Variants in SPAG16 observed in about 807,000 individuals in gnomAD.
SPAG16 encodes sperm-associated antigen 16 protein.
SPAG16 carries 86 observed loss-of-function variants against 80.4 expected under a neutral mutation model. That is an observed-to-expected ratio of 1.07 (90% CI 0.90 to 1.28). The LOEUF is 1.28. Among genes scored for constraint, SPAG16 ranks in the 50% most tolerant of loss-of-function variants. SPAG16 has a pLI of 0.00. For synonymous variants in SPAG16, 294 were observed against 265.9 expected (o/e 1.11, Z -1.03); for missense variants, 870 against 765.3 (o/e 1.14, Z -1.61).
chr2:213,471,548 C>T (rs982657578), intron 9 of SPAG16, among the ~76,000 whole-genome samples: 1 of 152,140 alleles, frequency 6.6e-6, no homozygotes, highest in East Asian at 1.9e-4. Flanking sequence ...GATGGCAGGG[C>T]CTGCTCCAAA....
intron 10 of SPAG16, among the ~76,000 whole-genome samples, chr2:213,764,274 A>G (rs1043732015): frequency 7.9e-5 from 12 of 152,154 alleles, no homozygotes; most frequent in Non-Finnish European, 1.3e-4. Context: ...GGTAGAACCC[A>G]AATGAATGCT....
chr2:213,359,036 T>G (rs1431494780), intron 7 of SPAG16, among the ~76,000 whole-genome samples: 1 of 152,210 alleles, frequency 6.6e-6, no homozygotes, highest in Admixed American at 6.5e-5. Flanking sequence ...CTGTTGGGGT[T>G]TGCTGGAGGT....
chr2:213,531,721 T>C (rs990952831), intron 10 of SPAG16, among the ~76,000 whole-genome samples: 19 of 152,190 alleles, frequency 1.2e-4, no homozygotes, highest in African/African-American at 4.6e-4. Context: ...CAGTCTGTCT[T>C]CATTTACCCC....
chr2:213,521,116 A>C (rs976281993), intron 10 of SPAG16, among the ~76,000 whole-genome samples: 1 of 152,092 alleles, frequency 6.6e-6, no homozygotes, highest in Non-Finnish European at 1.5e-5. Context: ...GGAGCTCATG[A>C]ACTTGTGTTG....
At chr2:213,478,859 C>G (rs1045368440) in intron 9 of SPAG16, among the ~76,000 whole-genome samples, 14 of 151,938 alleles carry the variant, frequency 9.2e-5, no homozygotes, top group African/African-American at 3.4e-4. Context: ...TTCAATTTAA[C>G]CAATAGTCTT....
chr2:213,651,240 G>A (rs2063006559), intron 10 of SPAG16, among the ~76,000 whole-genome samples: 2 of 152,128 alleles, frequency 1.3e-5, no homozygotes, highest in Admixed American at 1.3e-4. Context: ...TAAATTTGCT[G>A]ATTTTGGATT....
At position 214,301,216 on chromosome 2, in the gene SPAG16, AT is replaced by A. The variant is rs545077823; in HGVS notation, c.1721-108923del. On this transcript the variant is annotated intron_variant, in intron 15 of 15. Coordinates refer to ENST00000331683, the MANE Select transcript of SPAG16 (RefSeq NM_024532.5). Reference sequence around the variant, plus strand: ...AAATAGATTTAAAAGCAAAAATCATATGATAATATCAATAGATGTAGAAAAA... The same window carrying A: ...AAATAGATTTAAAAGCAAAAATCATAGATAATATCAATAGATGTAGAAAAA... Among the ~76,000 whole-genome samples the A allele has an allele frequency of 1.1e-3, 164 of 144,438 alleles. 1 individual carries two copies. Among genetic ancestry groups the A allele is most frequent in the African/African-American group, 4.3e-3 (158 of 36,338 alleles). 94.8% of individuals were successfully genotyped at this position (144,438 alleles called of 152,430 possible).
At chr2:213,363,554 G>T (rs2066113626) in intron 7 of SPAG16, among the ~76,000 whole-genome samples, 1 of 151,964 alleles carries the variant, frequency 6.6e-6, no homozygotes, top group South Asian at 2.1e-4. Flanking sequence ...CAGGAATACA[G>T]GTAAATCATG....
At chr2:213,954,534 C>T (rs1223373747) in intron 12 of SPAG16, among the ~76,000 whole-genome samples, 1 of 151,892 alleles carries the variant, frequency 6.6e-6, no homozygotes, top group Non-Finnish European at 1.5e-5. Context: ...TTCTGGGATA[C>T]ACGTATAGAA....
chr2:214,093,476 T>C lies in SPAG16; in HGVS notation c.1528-14720T>C, dbSNP rs531094604. Among the ~76,000 whole-genome samples the C allele has an allele frequency of 3.9e-4, 60 of 152,030 alleles. 1 individual carries two copies. The highest frequency in any genetic ancestry group is 1.2e-3 in the Admixed American group (18 of 15,226). ...TAAAATAACTGGATTATCTATATTA[T>C]TGGTTTTGTGGGTGCATATGTGTAT... On this transcript the variant is annotated intron_variant, in intron 13 of 15. Coordinates refer to ENST00000331683, the MANE Select transcript of SPAG16 (RefSeq NM_024532.5).
chr2:214,015,297 C>G (rs1343409000), intron 13 of SPAG16, among the ~76,000 whole-genome samples: 1 of 152,024 alleles, frequency 6.6e-6, no homozygotes, highest in Non-Finnish European at 1.5e-5. Flanking sequence ...GTATTGAGGT[C>G]TTTTGAAAGG....
intron 10 of SPAG16, among the ~76,000 whole-genome samples, chr2:213,660,192 T>C (rs1023768085): frequency 1.3e-5 from 2 of 151,714 alleles, no homozygotes; most frequent in African/African-American, 4.8e-5. Flanking sequence ...ATAAGAGTTA[T>C]TGAAGAATAC....
At chr2:214,269,604 T>C (rs1461707122) in intron 15 of SPAG16, among the ~76,000 whole-genome samples, 1 of 152,166 alleles carries the variant, frequency 6.6e-6, no homozygotes, top group Non-Finnish European at 1.5e-5. Flanking sequence ...ATCCACTCTA[T>C]GCCAAACTAC....
chr2:214,322,991 A>G (rs543918089), intron 15 of SPAG16, among the ~76,000 whole-genome samples: 3 of 152,272 alleles, frequency 2.0e-5, no homozygotes, highest in African/African-American at 2.4e-5. Flanking sequence ...ACTGAAAGCT[A>G]TGGAGTCTTT....
chr2:213,358,833 G>A (rs898911873), intron 7 of SPAG16, among the ~76,000 whole-genome samples: 1 of 152,170 alleles, frequency 6.6e-6, no homozygotes, highest in Non-Finnish European at 1.5e-5. Flanking sequence ...TGGAGGAGAA[G>A]AGGCACTCTG....
chr2:214,234,081 C>A (rs574093158), intron 15 of SPAG16, among the ~76,000 whole-genome samples: 2 of 151,568 alleles, frequency 1.3e-5, no homozygotes, highest in African/African-American at 2.4e-5. Flanking sequence ...GTTTCCCCCC[C>A]CATGTGTCCA....
intron 12 of SPAG16, among the ~76,000 whole-genome samples, chr2:213,994,000 C>A (rs1359315742): frequency 6.6e-5 from 10 of 152,064 alleles, no homozygotes; most frequent in Non-Finnish European, 1.3e-4. Context: ...ATGAGGGATA[C>A]AAATACCATT....
At chr2:213,980,819 G>A (rs2045707695) in intron 12 of SPAG16, among the ~76,000 whole-genome samples, 1 of 149,256 alleles carries the variant, frequency 6.7e-6, no homozygotes, top group African/African-American at 2.5e-5. Flanking sequence ...TGAGGCAGGA[G>A]AATTGCTTGA....
intron 7 of SPAG16, among the ~76,000 whole-genome samples, chr2:213,356,036 T>C (rs1469179319): frequency 6.6e-6 from 1 of 152,234 alleles, no homozygotes. Flanking sequence ...TATTTTGAGG[T>C]ATTTTCGATC....
Sources: allele counts gnomAD v4.1 joint callset (sites outside exome capture counted in the v4.1 genomes callset), GRCh38; gene constraint gnomAD v4.1.1; transcripts MANE v1.5; gene names NCBI Gene and HGNC (gene_info 2026-07-23, HGNC 2026-07-21).